SLC28A1: variants seen among roughly 807,000 people sequenced by gnomAD.
SLC28A1 encodes solute carrier family 28 member 1.
A neutral mutation model predicts 74.8 loss-of-function variants in SLC28A1; 64 were observed. The observed-to-expected ratio is 0.86, with a 90% CI of 0.70 to 1.05. SLC28A1 has a LOEUF of 1.05. SLC28A1 is among the 50% of genes least tolerant of loss of function. SLC28A1 has a pLI of 0.00. For missense variants in SLC28A1, 828 were observed against 822.8 expected, an observed-to-expected ratio of 1.01 and a Z score of -0.08; for synonymous variants, 359 against 335.0, an observed-to-expected ratio of 1.07 and a Z score of -0.78.
chr15:84,904,371 G>C (rs947515855), intron 7 of SLC28A1, 133 bp downstream of exon 7: 59 of 1,308,222 alleles, frequency 4.5e-5, no homozygotes, highest in East Asian at 6.9e-5. Flanking sequence ...CCTGGAGAAG[G>C]CCTGTGTGTA....
At chr15:84,887,681 C>T in intron 2 of SLC28A1, 64 bp from the exon 3 acceptor site, 2 of 1,584,120 alleles carry the variant, frequency 1.3e-6, no homozygotes, top group Non-Finnish European at 1.7e-6. Flanking sequence ...TTTCCCCGGG[C>T]CCCTAAACTG....
chr15:84,895,211 G>A lies in SLC28A1; in HGVS notation c.461+88G>A. ...CAGGGTTATGGCCAGGGCTGGAGGAGGAGGAAGGCTCTGTGTCATGGAGAA... is the reference window on the plus strand; with the variant it reads ...CAGGGTTATGGCCAGGGCTGGAGGAAGAGGAAGGCTCTGTGTCATGGAGAA... On this transcript the variant is annotated intron_variant, in intron 6 of 18. Transcript: ENST00000394573. The A allele has an allele frequency of 3.2e-6, 5 of 1,583,228 alleles. No individual in the cohort carries two copies. In the African/African-American group the frequency reaches 4.0e-5, roughly 13 times the overall value.
chr15:84,960,194 TA>T, the SLC28A1 span, among the ~76,000 whole-genome samples: 1 of 145,944 alleles, frequency 6.9e-6, no homozygotes, highest in Non-Finnish European at 1.5e-5. Flanking sequence ...TTCTTTAAAA[TA>T]CAGAACATTT....
At chr15:84,897,221 C>CAAAAAA (rs57798365) in intron 6 of SLC28A1, among the ~76,000 whole-genome samples, 1 of 136,598 alleles carries the variant, frequency 7.3e-6, no homozygotes, top group Non-Finnish European at 1.5e-5. Context: ...CTAAAAATAG[C>CAAAAAA]AAAAAAAAAA....
At chr15:84,968,561 C>A in the SLC28A1 span, among the ~76,000 whole-genome samples, 1 of 152,194 alleles carries the variant, frequency 6.6e-6, no homozygotes, top group Non-Finnish European at 1.5e-5. Context: ...TATGGCCTAG[C>A]CTTGAAAGTC....
chr15:84,888,099 A>G (rs952754869), intron 3 of SLC28A1, among the ~76,000 whole-genome samples: 3 of 152,192 alleles, frequency 2.0e-5, no homozygotes, highest in African/African-American at 7.2e-5. Flanking sequence ...CTATAGTCTG[A>G]AAGTCCTAGT....
At position 84,887,851 on chromosome 15, in the gene SLC28A1, A is replaced by C. The variant is rs771152735; in HGVS notation, c.91A>C (p.Ser31Arg). ...GAACATGGGGGCTGATTTCTTGGAAAGCCTGGTCTGTACCCTTCCCCATCA... is the reference window on the plus strand; with the variant it reads ...GAACATGGGGGCTGATTTCTTGGAACGCCTGGTCTGTACCCTTCCCCATCA... ...LENMGADFLE[S>R]LEEGQLPRSD... The change falls in exon 3 of 19, where the codon AGC (serine) becomes CGC (arginine). Residue 31 changes from serine (S) to arginine (R), a missense_variant. By Grantham distance (110) the Ser-to-Arg change is moderately radical. Coordinates refer to ENST00000394573, the MANE Select transcript of SLC28A1 (RefSeq NM_004213.5). 6.2e-7 allele frequency: 1 copy of C among 1,611,146 alleles called. No individual in the cohort carries two copies. The highest frequency in any genetic ancestry group is 8.5e-7 in the Non-Finnish European group (1 of 1,177,464).
chr15:84,962,610 T>C, the SLC28A1 span, among the ~76,000 whole-genome samples: 1 of 152,032 alleles, frequency 6.6e-6, no homozygotes, highest in East Asian at 1.9e-4. Flanking sequence ...GCCAATGTTT[T>C]GTATTTTTAG....
chr15:84,920,932 C>T (rs1969757584), intron 10 of SLC28A1, 57 bp from the exon 11 acceptor site: 1 of 1,388,842 alleles, frequency 7.2e-7, no homozygotes, highest in Non-Finnish European at 1.0e-6. Context: ...CTCCAGCCCC[C>T]TCTGACTCTG....
intron 12 of SLC28A1, among the ~76,000 whole-genome samples, chr15:84,929,580 G>A (rs1210090118): frequency 6.6e-6 from 1 of 151,456 alleles, no homozygotes. Flanking sequence ...TAGGCTGGGT[G>A]CAGTGGCTCA....
intron 11 of SLC28A1, among the ~76,000 whole-genome samples, chr15:84,922,069 T>A (rs553276735): frequency 6.6e-6 from 1 of 152,232 alleles, no homozygotes; most frequent in South Asian, 2.1e-4. Flanking sequence ...GAGGGAGGGA[T>A]GGGGAGCCTT....
chr15:84,971,838 G>A, the SLC28A1 span, among the ~76,000 whole-genome samples: 2 of 152,036 alleles, frequency 1.3e-5, no homozygotes, highest in African/African-American at 4.8e-5. Flanking sequence ...TTATAGAGAC[G>A]GGGTTTCATC....
At chr15:84,887,961 A>G (rs1964800430) in intron 3 of SLC28A1, 105 bp downstream of exon 3, 1 of 812,478 alleles carries the variant, frequency 1.2e-6, no homozygotes. Flanking sequence ...CTCATACCCC[A>G]TTCTTCTGCC....
At chr15:84,887,175 A>C (rs1423554181) in intron 2 of SLC28A1, among the ~76,000 whole-genome samples, 2 of 152,242 alleles carry the variant, frequency 1.3e-5, no homozygotes, top group Admixed American at 1.3e-4. Flanking sequence ...AGAGATGGAA[A>C]AGTAGAATAC....
chr15:84,945,161 C>G lies in SLC28A1; in HGVS notation c.1911C>G (p.Asn637Lys), dbSNP rs1460348658. The G allele has an allele frequency of 6.2e-7, 1 of 1,614,130 alleles. No homozygotes were observed. Among genetic ancestry groups the G allele is most frequent in the African/African-American group, 1.3e-5 (1 of 75,036 alleles). Reference protein sequence around the residue: ...NPEFSPEALDNCCRFYNHTIC... With the variant: ...NPEFSPEALDKCCRFYNHTIC... ...AGTTCAGCCCAGAGGCCCTGGACAA[C>G]TGCTGTCGGTTTTACAACCACACGA... The change falls in exon 19 of 19, where the codon AAC becomes AAG. Residue 637 changes from asparagine to lysine, a missense_variant. This residue lies in a region of SLC28A1 where 53 missense variants were observed against 44.5 expected (regional missense o/e 1.19). Transcript: ENST00000394573.
At chr15:84,975,411 C>T in the SLC28A1 span, 4 of 449,442 alleles carry the variant, frequency 8.9e-6, no homozygotes, top group South Asian at 4.7e-5. Context: ...CAGAACATCT[C>T]GACAACATTA....
chr15:84,941,704 C>A (rs1259725683), intron 15 of SLC28A1, among the ~76,000 whole-genome samples: 1 of 151,930 alleles, frequency 6.6e-6, no homozygotes, highest in Admixed American at 6.6e-5. Flanking sequence ...GCCAACATGG[C>A]AAACAGGAAA....
chr15:84,944,082 T>C (rs961528536), intron 16 of SLC28A1, among the ~76,000 whole-genome samples: 3 of 152,144 alleles, frequency 2.0e-5, no homozygotes, highest in African/African-American at 7.2e-5. Context: ...GCCTGCCTGT[T>C]CCCACACCCA....
chr15:84,894,246 A>G (rs1049741401), intron 5 of SLC28A1, among the ~76,000 whole-genome samples: 1 of 151,832 alleles, frequency 6.6e-6, no homozygotes, highest in African/African-American at 2.4e-5. Context: ...GCGGTGGGCA[A>G]CTGTAATCCC....
Sources: allele counts gnomAD v4.1 joint callset (sites outside exome capture counted in the v4.1 genomes callset), GRCh38; gene constraint gnomAD v4.1.1; regional missense constraint gnomAD v4.1.1; transcripts MANE v1.5; gene names NCBI Gene and HGNC (gene_info 2026-07-23, HGNC 2026-07-21).